Variants in LRMDA observed in about 807,000 individuals in gnomAD.
LRMDA encodes leucine-rich melanocyte differentiation-associated protein.
LRMDA carries 18 observed loss-of-function variants against 29.8 expected under a neutral mutation model. The observed-to-expected ratio is 0.60, with a 90% CI of 0.42 to 0.90. LRMDA has a LOEUF of 0.90. Ranked by LOEUF, LRMDA falls within the 40% of genes least tolerant of loss-of-function variation. LRMDA has a pLI of 0.00. For synonymous variants in LRMDA, 125 were observed against 109.4 expected (o/e 1.14, Z -0.89); for missense variants, 273 against 273.9 (o/e 1.00, Z 0.02).
intron 5 of LRMDA, among the ~76,000 whole-genome samples, chr10:76,297,906 T>C (rs555446879): frequency 6.6e-6 from 1 of 152,308 alleles, no homozygotes; most frequent in Admixed American, 6.5e-5. Context: ...CAGGTACAAA[T>C]AGGTAAAAGC....
At chr10:76,298,901 T>C (rs1840445056) in intron 5 of LRMDA, among the ~76,000 whole-genome samples, 1 of 152,198 alleles carries the variant, frequency 6.6e-6, no homozygotes. Context: ...CCTTCTGGGA[T>C]GGGACTGTAT....
intron 2 of LRMDA, among the ~76,000 whole-genome samples, chr10:76,005,175 T>C (rs570256983): frequency 6.6e-6 from 1 of 152,344 alleles, no homozygotes; most frequent in Non-Finnish European, 1.5e-5. Context: ...CTTATTTTGT[T>C]TATCTTCTCC....
At chr10:75,733,067 C>G (rs759103683) in intron 2 of LRMDA, among the ~76,000 whole-genome samples, 15 of 152,270 alleles carry the variant, frequency 9.9e-5, no homozygotes, top group Non-Finnish European at 1.5e-4. Context: ...GACCAGTGTT[C>G]ATAGTAATCC....
chr10:76,075,464 A>G (rs1848941685), intron 5 of LRMDA, among the ~76,000 whole-genome samples: 3 of 152,234 alleles, frequency 2.0e-5, no homozygotes, highest in Non-Finnish European at 4.4e-5. Flanking sequence ...CAGAACTATA[A>G]GAAAAGAAAG....
chr10:76,425,853 T>C (rs1041685101), intron 6 of LRMDA, among the ~76,000 whole-genome samples: 2 of 151,736 alleles, frequency 1.3e-5, no homozygotes, highest in African/African-American at 2.4e-5. Context: ...ACATGCAGTG[T>C]TTGGTTTTTT....
rs113262870 is a variant in LRMDA at position 76,551,587 on chromosome 10, T to C, written c.602-5622T>C. Among the ~76,000 whole-genome samples the C allele has an allele frequency of 3.1e-3, 470 of 152,338 alleles. 2 individuals are homozygous for C. The highest frequency in any genetic ancestry group is 0.011 in the African/African-American group (449 of 41,590). Reference sequence around the variant, plus strand: ...AAGTTGAAGGGCTTACAACTTCAGATAGTTTCAAGTAATGATGCATTTTTG... The same window carrying C: ...AAGTTGAAGGGCTTACAACTTCAGACAGTTTCAAGTAATGATGCATTTTTG... On this transcript the variant is annotated intron_variant, in intron 6 of 6. Transcript: ENST00000611255.
intron 5 of LRMDA, among the ~76,000 whole-genome samples, chr10:76,310,262 T>A (rs890175984): frequency 6.6e-6 from 1 of 152,180 alleles, no homozygotes; most frequent in Non-Finnish European, 1.5e-5. Context: ...CTCAAAAAAG[T>A]TGGAATTGGC....
chr10:75,928,553 A>G (rs1846158489), intron 2 of LRMDA, among the ~76,000 whole-genome samples: 1 of 152,240 alleles, frequency 6.6e-6, no homozygotes, highest in Admixed American at 6.5e-5. Context: ...AGAGTAAGTC[A>G]AATTAGTTGA....
rs1842880020 is a variant in LRMDA, at chr10:76,496,462, A to T, written c.602-60747A>T. On this transcript the variant is annotated intron_variant, in intron 6 of 6. Transcript: ENST00000611255. ...ATTTGTTTTCCCTCTATTAGGACAC[A>T]CTGTCCTACGTTGCTCTATATCCAA... Among the ~76,000 whole-genome samples, 2 of 75,488 alleles carry T rather than the reference A, an allele frequency of 2.6e-5. 1 individual carries two copies. The highest frequency in any genetic ancestry group is 7.0e-4 in the South Asian group (2 of 2,866). The allele number at this position is 75,488 out of a possible 152,430, so 49.5% of individuals were successfully genotyped here.
chr10:76,164,746 A>G (rs1187274883), intron 5 of LRMDA, among the ~76,000 whole-genome samples: 1 of 152,214 alleles, frequency 6.6e-6, no homozygotes, highest in Non-Finnish European at 1.5e-5. Flanking sequence ...GCAGGAAAAT[A>G]GGAAACAATT....
intron 2 of LRMDA, among the ~76,000 whole-genome samples, chr10:75,682,430 T>TGG (rs910147071): frequency 2.0e-4 from 18 of 88,082 alleles, no homozygotes; most frequent in South Asian, 1.2e-3. Flanking sequence ...AGAGTGTGTG[T>TGG]GGGGGTGTGT....
At chr10:76,504,466 TGTA>T (rs1270135077) in intron 6 of LRMDA, among the ~76,000 whole-genome samples, 2 of 151,798 alleles carry the variant, frequency 1.3e-5, no homozygotes, top group Non-Finnish European at 3.0e-5. Context: ...TGGGTCTTCT[TGTA>T]GTTGTTTTAT....
chr10:76,163,509 C>G (rs570982437), intron 5 of LRMDA, among the ~76,000 whole-genome samples: 9 of 151,312 alleles, frequency 5.9e-5, no homozygotes, highest in African/African-American at 2.2e-4. Flanking sequence ...CTTTTTTTTT[C>G]AACTTGAAGA....
chr10:75,551,337 A>T (rs1840144437), intron 2 of LRMDA, among the ~76,000 whole-genome samples: 1 of 151,972 alleles, frequency 6.6e-6, no homozygotes, highest in Non-Finnish European at 1.5e-5. Flanking sequence ...ATATTTATTT[A>T]TTTATTTTTT....
At chr10:75,483,556 A>G (rs1438026115) in intron 2 of LRMDA, among the ~76,000 whole-genome samples, 2 of 152,226 alleles carry the variant, frequency 1.3e-5, no homozygotes, top group Non-Finnish European at 2.9e-5. Flanking sequence ...TTCTGCACCA[A>G]TAAAACAGGA....
At position 75,618,382 on chromosome 10, in the gene LRMDA, CTATA is replaced by C. The variant is rs71477026; in HGVS notation, c.131+179910_131+179913del. Among the ~76,000 whole-genome samples, 432 of 76,984 alleles carry C rather than the reference CTATA, an allele frequency of 5.6e-3. 1 individual carries two copies. The highest frequency in any genetic ancestry group is 0.013 in the East Asian group (27 of 2,068). 50.5% of individuals were successfully genotyped at this position (76,984 alleles called of 152,430 possible). ...TCTCTCTCTCTCTCTCTCTCTCTCT[CTATA>C]TATATATATATATATATATATCAGA... On this transcript the variant is annotated intron_variant, in intron 2 of 6. Transcript: ENST00000611255.
At chr10:76,042,103 G>A (rs964888416) in intron 3 of LRMDA, among the ~76,000 whole-genome samples, 11 of 152,266 alleles carry the variant, frequency 7.2e-5, no homozygotes, top group Non-Finnish European at 1.3e-4. Flanking sequence ...TGTCCTTGCT[G>A]ACCCAGGAGA....
At chr10:76,406,760 C>A (rs1055756856) in intron 6 of LRMDA, among the ~76,000 whole-genome samples, 8 of 152,110 alleles carry the variant, frequency 5.3e-5, no homozygotes, top group African/African-American at 1.9e-4. Flanking sequence ...AAAAAAGGGG[C>A]CTTCCCTGGA....
chr10:76,308,711 T>A (rs1039808122), intron 5 of LRMDA, among the ~76,000 whole-genome samples: 1 of 152,156 alleles, frequency 6.6e-6, no homozygotes, highest in African/African-American at 2.4e-5. Context: ...TCACATTTTC[T>A]TCTCCTCAAA....
Sources: gnomAD v4.1 joint callset for allele counts (sites outside exome capture counted in the v4.1 genomes callset) on GRCh38, gnomAD v4.1.1 for gene constraint, MANE v1.5 for transcripts, NCBI Gene and HGNC (gene_info 2026-07-23, HGNC 2026-07-21) for gene names.